The following BAZ1B variants were observed in gnomAD, a reference collection of about 807,000 sequenced individuals.
BAZ1B encodes bromodomain adjacent to zinc finger domain 1B.
BAZ1B carries 22 observed loss-of-function variants against 153.8 expected under a neutral mutation model. The observed-to-expected ratio is 0.14, with a 90% confidence interval of 0.10 to 0.20. BAZ1B has a LOEUF of 0.20. Ranked by LOEUF, BAZ1B falls within the 10% of genes least tolerant of loss-of-function variation. BAZ1B has a pLI of 1.00. For missense variants in BAZ1B, 1,325 were observed against 1,799.3 expected (o/e 0.74, Z 4.77); for synonymous variants, 676 against 633.4 (o/e 1.07, Z -1.01).
At chr7:73,493,462 AAAAAG>A (rs1328929900) in intron 4 of BAZ1B, among the ~76,000 whole-genome samples, 2 of 152,138 alleles carry the variant, frequency 1.3e-5, no homozygotes, top group African/African-American at 4.8e-5. Flanking sequence ...TCCGTCTCAA[AAAAAG>A]AAAAGAAAAG....
Position 73,512,681 on chromosome 7 carries a change from A to C in BAZ1B, c.108-1829T>G, listed in dbSNP as rs782185231. Among the ~76,000 whole-genome samples the C allele has an allele frequency of 1.6e-4, 25 of 152,388 alleles. 1 individual carries two copies. In the Middle Eastern group the frequency reaches 0.01, roughly 62 times the overall value. ...TAACTAATTTACTTTTAAGCACAGC[A>C]ACAGATGCTATGTAAGAAAATCAAC... On this transcript the variant is annotated intron_variant, in intron 1 of 19. Transcript: ENST00000339594.
At chr7:73,463,928 G>A (rs1195821982) in intron 11 of BAZ1B, among the ~76,000 whole-genome samples, 1 of 152,104 alleles carries the variant, frequency 6.6e-6, no homozygotes, top group African/African-American at 2.4e-5. Context: ...GGCTGGTCTC[G>A]AACTCCTGAC....
At chr7:73,444,772 T>C (rs573523627) in intron 16 of BAZ1B, among the ~76,000 whole-genome samples, 6 of 152,240 alleles carry the variant, frequency 3.9e-5, no homozygotes, top group African/African-American at 1.2e-4. Flanking sequence ...CCCACCACTT[T>C]AGGAGGCTGA....
chr7:73,441,853 G>A, intron 19 of BAZ1B, 160 bp from the exon 20 acceptor site: 1 of 331,758 alleles, frequency 3.0e-6, no homozygotes, highest in South Asian at 7.8e-5. Flanking sequence ...GGAGACCAGA[G>A]GGGCTTGGCA....
rs1034985404 is a variant in BAZ1B at position 73,478,555 on chromosome 7, G to A, written c.906C>T (p.Asn302=). The change falls in exon 7 of 20, where the codon AAC becomes AAT. Residue 302 remains asparagine (N), a synonymous_variant. Transcript: ENST00000339594. ...LLDPYKYMTL[N]PSTKRKNTGS... is the part of the protein sequence containing the mutation. ...CAGTATTCTTCCTCTTAGTAGAAGG[G>A]TTGAGAGTCATATACTAGAATTTAA... 11 of 1,527,852 alleles carry A rather than the reference G, an allele frequency of 7.2e-6. No individual in the cohort carries two copies. Among genetic ancestry groups the A allele is most frequent in the Non-Finnish European group, 7.9e-6 (9 of 1,139,582 alleles). 94.6% of individuals were successfully genotyped at this position (1,527,852 alleles called of 1,614,324 possible). A position where few individuals can be genotyped will look rare whatever the true frequency, so the allele number is the denominator to read the frequency against.
intron 13 of BAZ1B, among the ~76,000 whole-genome samples, chr7:73,456,885 T>C (rs1310084587): frequency 8.0e-6 from 1 of 124,416 alleles, no homozygotes; most frequent in Non-Finnish European, 1.6e-5. Flanking sequence ...GAGTTTGCAG[T>C]GAGCCAAGAT....
chr7:73,498,493 A>C lies in BAZ1B; in HGVS notation c.571+4T>G. ...ACACTAAGGAAAGCTAATATCAAAC[A>C]TACTAATACTCTCTCTCCTTCCTTC... On this transcript the variant is annotated splice_donor_region_variant and intron_variant, in intron 4 of 19. Coordinates refer to ENST00000339594, the MANE Select transcript of BAZ1B (RefSeq NM_032408.4). 6.2e-7 allele frequency: 1 copy of C among 1,611,184 alleles called. No individual in the cohort carries two copies. Among genetic ancestry groups the C allele is most frequent in the Non-Finnish European group, 8.5e-7 (1 of 1,177,540 alleles).
chr7:73,521,807 G>A lies in BAZ1B; in HGVS notation c.107+20C>T, dbSNP rs1780200791. 6.8e-7 allele frequency: 1 copy of A among 1,474,866 alleles called. No individual in the cohort carries two copies. Among genetic ancestry groups the A allele is most frequent in the Non-Finnish European group, 9.1e-7 (1 of 1,102,818 alleles). The allele number at this position is 1,474,866 out of a possible 1,614,324, so 91.4% of individuals were successfully genotyped here. ...GGCCCAGCCCGGCCCAGCCCGGCCC[G>A]CGCGGCTGGAAAAGGATACTCCCGG... On this transcript the variant is annotated intron_variant, in intron 1 of 19. Coordinates refer to ENST00000339594, the MANE Select transcript of BAZ1B (RefSeq NM_032408.4).
intron 9 of BAZ1B, among the ~76,000 whole-genome samples, chr7:73,467,099 AT>A (rs536138700): frequency 5.2e-4 from 79 of 151,978 alleles, no homozygotes; most frequent in African/African-American, 1.9e-3. Flanking sequence ...CACCTGGCTA[AT>A]TTTTCTATTT....
At chr7:73,512,845 T>C (rs34515960) in intron 1 of BAZ1B, among the ~76,000 whole-genome samples, 2 of 150,384 alleles carry the variant, frequency 1.3e-5, no homozygotes, top group Non-Finnish European at 3.0e-5. Context: ...TTTTGTTTTT[T>C]GGAAACAAGG....
In BAZ1B at chr7:73,447,322, CTCT is replaced by C. The variant is rs781899946; in HGVS notation, c.3783_3785del (p.Glu1273del). ...CCTCCTCCTCTTCTTCCTCCTCCTC[CTCT>C]TCATCACTCTCATCATCTTCACTGT... is the stretch of plus-strand genomic sequence containing the variant. On this transcript the variant is annotated inframe_deletion, in exon 16 of 20. Transcript: ENST00000339594. 32 of 1,611,076 alleles carry C rather than the reference CTCT, an allele frequency of 2.0e-5. No homozygotes were observed. Among genetic ancestry groups the C allele is most frequent in the Non-Finnish European group, 2.3e-5 (27 of 1,177,338 alleles).
At position 73,479,929 on chromosome 7, in the gene BAZ1B, G is replaced by C. The variant is rs186561692; in HGVS notation, c.892-1360C>G. On this transcript the variant is annotated intron_variant, in intron 6 of 19. Transcript: ENST00000339594. ...TCACACCTGTAATCCCAGCACTTTC[G>C]GAGGCCAAGGCGGGCTGATCACAAG... Among the ~76,000 whole-genome samples the C allele has an allele frequency of 1.2e-4, 19 of 152,150 alleles. No individual in the cohort carries two copies. In the East Asian group the frequency reaches 3.3e-3, roughly 26 times the overall value.
chr7:73,520,093 T>C (rs1304017391), intron 1 of BAZ1B, among the ~76,000 whole-genome samples: 1 of 151,076 alleles, frequency 6.6e-6, no homozygotes, highest in Non-Finnish European at 1.5e-5. Context: ...CCTGTAATCC[T>C]AGCTACTCAG....
rs1448250510 is a variant in BAZ1B at position 73,477,210 on chromosome 7, C to T, written c.2251G>A (p.Ala751Thr). 6.2e-7 allele frequency: 1 copy of T among 1,614,112 alleles called. No individual in the cohort carries two copies. The highest frequency in any genetic ancestry group is 1.3e-5 in the African/African-American group (1 of 74,940). ...GTCATGAGGATCCGGTGGCACAGTG[C>T]TGTCAAGATCTGTAGCTTCTCCTCT... ...TSEEKLQILT[A>T]LCHRILMTYS... The change falls in exon 7 of 20, where the codon GCA (alanine) becomes ACA (threonine). Residue 751 changes from alanine (A) to threonine (T), a missense_variant. Transcript: ENST00000339594. This position sits in a 1 kb window ranked among gnomAD's most constrained non-coding sequence, Gnocchi z 5.6.
chr7:73,463,004 C>T lies in BAZ1B; in HGVS notation c.3167G>A (p.Arg1056His). 2 of 1,613,898 alleles carry T rather than the reference C, an allele frequency of 1.2e-6. No homozygotes were observed. Among genetic ancestry groups the T allele is most frequent in the East Asian group, 2.2e-5 (1 of 44,868 alleles). ...TGTTGCAACTTCAATGAGATCACTA[C>T]GAAGGAAGTTTAAAAGCTCCTGGTT... is the stretch of plus-strand genomic sequence containing the variant. ...DGNQELLNFL[R>H]SDLIEVATRL... The change falls in exon 12 of 20, where the codon CGT becomes CAT. Residue 1056 changes from arginine (R) to histidine (H), a missense_variant. Transcript: ENST00000339594.
At chr7:73,470,638 G>T (rs917710695) in intron 7 of BAZ1B, among the ~76,000 whole-genome samples, 155 bp from the exon 8 acceptor site, 7 of 152,146 alleles carry the variant, frequency 4.6e-5, no homozygotes, top group Admixed American at 4.6e-4. Context: ...GAAATTACAT[G>T]TAAGGCAGCA....
intron 7 of BAZ1B, among the ~76,000 whole-genome samples, chr7:73,471,960 C>A (rs575238423): frequency 4.0e-5 from 6 of 151,282 alleles, no homozygotes; most frequent in Admixed American, 3.3e-4. Flanking sequence ...CAAACATAAA[C>A]CAACTTAGGA....
chr7:73,451,707 CTG>C (rs1583887811), intron 13 of BAZ1B, among the ~76,000 whole-genome samples: 1 of 152,244 alleles, frequency 6.6e-6, no homozygotes, highest in South Asian at 2.1e-4. Flanking sequence ...CTGACTGACT[CTG>C]TTGTAGATAT....
chr7:73,501,212 C>T (rs1172261737), intron 3 of BAZ1B, among the ~76,000 whole-genome samples: 3 of 152,102 alleles, frequency 2.0e-5, no homozygotes, highest in Non-Finnish European at 4.4e-5. Context: ...GCCAAGATCA[C>T]GCCATTGCAC....
Sources: gnomAD v4.1 joint callset for allele counts (sites outside exome capture counted in the v4.1 genomes callset) on GRCh38, gnomAD v4.1.1 for gene constraint, Gnocchi (gnomAD v3.1) non-coding constraint, MANE v1.5 for transcripts, NCBI Gene and HGNC (gene_info 2026-07-23, HGNC 2026-07-21) for gene names.